Variants in DENND6A observed in about 807,000 individuals in gnomAD.
DENND6A encodes the protein protein DENND6A.
Under a neutral mutation model 95.5 loss-of-function variants are expected in DENND6A, and 43 were observed. The observed-to-expected ratio is 0.45, with a 90% confidence interval of 0.35 to 0.58. DENND6A has a LOEUF of 0.58. Ranked by LOEUF, DENND6A falls within the 20% of genes least tolerant of loss-of-function variation. The pLI, the probability that DENND6A is intolerant of heterozygous loss-of-function variation, is 0.00. For synonymous variants in DENND6A, 257 were observed against 260.4 expected (o/e 0.99, Z 0.13); for missense variants, 574 against 736.0 (o/e 0.78, Z 2.55).
intron 12 of DENND6A, among the ~76,000 whole-genome samples, chr3:57,640,926 C>T (rs2070916574): frequency 6.6e-6 from 1 of 151,910 alleles, no homozygotes; most frequent in South Asian, 2.1e-4. Context: ...TAAACTCCTA[C>T]CATGAACAAG....
chr3:57,647,978 C>T (rs1463001379), intron 9 of DENND6A, among the ~76,000 whole-genome samples: 1 of 151,928 alleles, frequency 6.6e-6, no homozygotes, highest in Non-Finnish European at 1.5e-5. Context: ...AAACTATTAG[C>T]TTGGGGGACA....
intron 12 of DENND6A, among the ~76,000 whole-genome samples, chr3:57,639,467 T>C (rs912654678): frequency 2.0e-5 from 3 of 152,200 alleles, no homozygotes; most frequent in Non-Finnish European, 2.9e-5. Flanking sequence ...AAACAATCAG[T>C]AGTCTACTAC....
intron 1 of DENND6A, among the ~76,000 whole-genome samples, chr3:57,691,371 G>A (rs2077262699): frequency 6.6e-6 from 1 of 152,166 alleles, no homozygotes; most frequent in Non-Finnish European, 1.5e-5. Context: ...GCCACTAGGT[G>A]CCAGGCACTG....
intron 1 of DENND6A, among the ~76,000 whole-genome samples, chr3:57,688,938 A>G (rs1291531575): frequency 2.6e-5 from 4 of 152,182 alleles, no homozygotes; most frequent in African/African-American, 9.7e-5. Flanking sequence ...AGTAGAATTA[A>G]GAGTGATATT....
At chr3:57,673,744 TTTTTTG>T in intron 1 of DENND6A, among the ~76,000 whole-genome samples, 1 of 152,134 alleles carries the variant, frequency 6.6e-6, no homozygotes, top group Admixed American at 6.5e-5. Context: ...TTTTTGTGCT[TTTTTTG>T]TTTTTGTTTT....
chr3:57,684,011 G>A (rs1046790508), intron 1 of DENND6A, among the ~76,000 whole-genome samples: 6 of 152,000 alleles, frequency 3.9e-5, no homozygotes, highest in South Asian at 2.1e-4. Context: ...AAATTAGCCC[G>A]GTGTGGTGGT....
intron 1 of DENND6A, among the ~76,000 whole-genome samples, chr3:57,675,023 A>G (rs112945825): frequency 2.6e-5 from 4 of 152,326 alleles, no homozygotes; most frequent in African/African-American, 9.6e-5. Flanking sequence ...TAACTATTGG[A>G]TACTGGGCTT....
At chr3:57,636,923 C>T (rs963833490) in intron 12 of DENND6A, among the ~76,000 whole-genome samples, 6 of 127,604 alleles carry the variant, frequency 4.7e-5, no homozygotes, top group Admixed American at 3.0e-4. Context: ...GGTGACAGAG[C>T]GAGACTCTGT....
chr3:57,639,352 G>A (rs955938853), intron 12 of DENND6A, among the ~76,000 whole-genome samples: 5 of 152,172 alleles, frequency 3.3e-5, no homozygotes, highest in Admixed American at 3.3e-4. Flanking sequence ...AAACAGTTTG[G>A]TGATTTCTTA....
At chr3:57,649,641 AATATAT>A (rs1186061791) in intron 9 of DENND6A, among the ~76,000 whole-genome samples, 2 of 102,628 alleles carry the variant, frequency 1.9e-5, no homozygotes, top group African/African-American at 6.5e-5. Context: ...AAAAAAAAAA[AATATAT>A]ATATATATAG....
rs1269405668 is a variant in DENND6A at position 57,626,988 on chromosome 3, A to AAT, written c.*1224_*1225dup. 1 of 152,186 alleles carries AAT rather than the reference A, an allele frequency of 6.6e-6. No homozygotes were observed. The highest frequency in any genetic ancestry group is 1.5e-5 in the Non-Finnish European group (1 of 68,026). The allele number at this position is 152,186 out of a possible 1,614,324, so 9.4% of individuals were successfully genotyped here. ...CAGAAATCAATCTTATCATCACTCA[A>AAT]ATAAGTATCACATAAAAAACTCATG... On this transcript the variant is annotated 3_prime_UTR_variant, in exon 20 of 20. Coordinates refer to ENST00000311128, the MANE Select transcript of DENND6A (RefSeq NM_152678.3).
At chr3:57,682,955 G>C (rs990921092) in intron 1 of DENND6A, among the ~76,000 whole-genome samples, 3 of 152,194 alleles carry the variant, frequency 2.0e-5, no homozygotes, top group Non-Finnish European at 4.4e-5. Context: ...TGGGACTACA[G>C]GCATGAGCCA....
chr3:57,669,191 A>T (rs2071573567), intron 3 of DENND6A, among the ~76,000 whole-genome samples: 1 of 152,178 alleles, frequency 6.6e-6, no homozygotes, highest in African/African-American at 2.4e-5. Flanking sequence ...CATTTAATAA[A>T]CACATAAAAA....
intron 3 of DENND6A, among the ~76,000 whole-genome samples, chr3:57,669,203 A>C (rs1395934369): frequency 1.3e-5 from 2 of 152,220 alleles, no homozygotes; most frequent in African/African-American, 4.8e-5. Context: ...ACATAAAAAA[A>C]CCAAACTGTA....
chr3:57,675,291 G>C (rs2071690946), intron 1 of DENND6A, among the ~76,000 whole-genome samples: 1 of 152,156 alleles, frequency 6.6e-6, no homozygotes. Flanking sequence ...AAATCATTAA[G>C]TTATCAAGAA....
At chr3:57,632,865 A>G (rs2070716743) in intron 15 of DENND6A, among the ~76,000 whole-genome samples, 1 of 152,256 alleles carries the variant, frequency 6.6e-6, no homozygotes, top group African/African-American at 2.4e-5. Context: ...CTACAGCCTC[A>G]TAGACATTAT....
intron 3 of DENND6A, among the ~76,000 whole-genome samples, chr3:57,670,032 A>G (rs796825476): frequency 5.4e-5 from 8 of 149,438 alleles, no homozygotes; most frequent in African/African-American, 1.8e-4. Flanking sequence ...AAAAAAAAAA[A>G]AAAAAGAAAA....
chr3:57,667,921 C>T (rs1480591263), intron 3 of DENND6A, among the ~76,000 whole-genome samples: 1 of 151,950 alleles, frequency 6.6e-6, no homozygotes, highest in African/African-American at 2.4e-5. Context: ...TAAAAATTAG[C>T]CGGATGCGGT....
At chr3:57,665,867 G>GAAAAA in intron 4 of DENND6A, 1 of 338,410 alleles carries the variant, frequency 3.0e-6, no homozygotes, top group East Asian at 5.5e-5. Context: ...ATTAACAAAT[G>GAAAAA]AAAGAAAATT....
Sources: gnomAD v4.1 joint callset for allele counts (sites outside exome capture counted in the v4.1 genomes callset) on GRCh38, gnomAD v4.1.1 for gene constraint, MANE v1.5 for transcripts, NCBI Gene and HGNC (gene_info 2026-07-23, HGNC 2026-07-21) for gene names.